The following GALK2 variants were observed in gnomAD, a reference collection of about 807,000 sequenced individuals.
GALK2 encodes the protein galactokinase 2.
A neutral mutation model predicts 52.4 loss-of-function variants in GALK2; 36 were observed. The ratio of observed to expected loss-of-function variants is 0.69; its 90% confidence interval spans 0.53 to 0.91. The LOEUF is 0.91. Ranked by LOEUF, GALK2 falls within the 40% of genes least tolerant of loss-of-function variation. GALK2 has a pLI of 0.00. For missense variants in GALK2, 579 were observed against 559.1 expected (o/e 1.04, Z -0.36); for synonymous variants, 176 against 199.1 (o/e 0.88, Z 0.98).
At chr15:49,220,058 C>CTTTTTTTTTTT (rs34707025) in intron 3 of GALK2, among the ~76,000 whole-genome samples, 11 of 92,734 alleles carry the variant, frequency 1.2e-4, no homozygotes, top group Admixed American at 2.3e-4. Flanking sequence ...AGATACAAGT[C>CTTTTTTTTTTT]TTTTTTTTTT....
Position 49,318,639 on chromosome 15 carries a change from A to T in GALK2, c.968-965A>T, listed in dbSNP as rs147428267. Among the ~76,000 whole-genome samples the T allele has an allele frequency of 1.6e-3, 243 of 152,272 alleles. 4 individuals carry two copies. The East Asian group carries it at 0.026, about 16-fold the overall frequency. ...TGATAAATAATGCTGCAATATATAT[A>T]TATAGGTACATATATAAACATTATA... On this transcript the variant is annotated intron_variant, in intron 8 of 9. Transcript: ENST00000560031.
chr15:49,202,848 TTC>T (rs1211538617), intron 2 of GALK2, among the ~76,000 whole-genome samples: 3 of 152,136 alleles, frequency 2.0e-5, no homozygotes, highest in Non-Finnish European at 2.9e-5. Context: ...TTTCTCTGCA[TTC>T]TCTCTAACAC....
At chr15:49,166,082 C>T (rs1459129332), upstream of GALK2, among the ~76,000 whole-genome samples, 7 of 151,788 alleles carry the variant, frequency 4.6e-5, no homozygotes, top group African/African-American at 9.7e-5. Context: ...AATTACACTG[C>T]GCCCGGCCCA....
At chr15:49,205,547 C>T (rs772678364) in intron 2 of GALK2, among the ~76,000 whole-genome samples, 13 of 152,148 alleles carry the variant, frequency 8.5e-5, no homozygotes, top group South Asian at 4.1e-4. Flanking sequence ...ATTGTCTATT[C>T]GTGTCCTTAG....
exon 1 of GALK2, chr15:49,155,822 C>A (rs1248968189): frequency 1.4e-6 from 1 of 732,722 alleles, no homozygotes; most frequent in Non-Finnish European, 2.3e-6. Flanking sequence ...GGACATCGTC[C>A]GGTGCTGCAG....
At chr15:49,181,551 TG>T (rs1397630501) in intron 1 of GALK2, among the ~76,000 whole-genome samples, 2 of 146,530 alleles carry the variant, frequency 1.4e-5, no homozygotes, top group African/African-American at 5.1e-5. Context: ...TTGCCCAGGC[TG>T]GAGTGCAGTG....
At chr15:49,158,341 A>G (rs1054045082) in intron 1 of GALK2, among the ~76,000 whole-genome samples, 2 of 152,242 alleles carry the variant, frequency 1.3e-5, no homozygotes, top group African/African-American at 4.8e-5. Flanking sequence ...ATTTGTAAGC[A>G]TGTCTTTGAA....
chr15:49,160,646 C>T (rs775477062), intron 1 of GALK2, among the ~76,000 whole-genome samples: 13 of 152,030 alleles, frequency 8.6e-5, no homozygotes, highest in Non-Finnish European at 1.9e-4. Flanking sequence ...GGGTGGATCA[C>T]GAGGTCAAGA....
intron 3 of GALK2, among the ~76,000 whole-genome samples, chr15:49,360,783 T>C (rs2044086633): frequency 6.6e-6 from 1 of 152,208 alleles, no homozygotes; most frequent in African/African-American, 2.4e-5. Flanking sequence ...AATGAATTAG[T>C]GTACATTAAC....
At chr15:49,347,139 T>C (rs1402547166) in intron 3 of GALK2, among the ~76,000 whole-genome samples, 1 of 152,214 alleles carries the variant, frequency 6.6e-6, no homozygotes, top group Non-Finnish European at 1.5e-5. Context: ...TTTTGTAGTA[T>C]ACTCAGGAAA....
Position 49,328,820 on chromosome 15 carries a change from G to A in GALK2, c.*661G>A, listed in dbSNP as rs550061066. On this transcript the variant is annotated 3_prime_UTR_variant, in exon 10 of 10. Transcript: ENST00000560031. ...AAGGAGGATACAGGAAGAAAATTCA[G>A]ACTCATTTGAATATTTGTAAACCAT... 13 of 1,409,830 alleles carry A rather than the reference G, an allele frequency of 9.2e-6. No homozygotes were observed. The East Asian group carries it at 3.0e-4, about 33-fold the overall frequency. The allele number at this position is 1,409,830 out of a possible 1,614,324, so 87.3% of individuals were successfully genotyped here.
chr15:49,244,381 T>A (rs2141531231), intron 5 of GALK2, among the ~76,000 whole-genome samples: 1 of 152,190 alleles, frequency 6.6e-6, no homozygotes, highest in East Asian at 1.9e-4. Flanking sequence ...AACTTGAGTG[T>A]TATAGAAAAG....
intron 5 of GALK2, among the ~76,000 whole-genome samples, chr15:49,268,949 T>C (rs2029911419): frequency 6.6e-6 from 1 of 152,212 alleles, no homozygotes; most frequent in Non-Finnish European, 1.5e-5. Flanking sequence ...TGCAACATCA[T>C]CTGCAATATT....
At chr15:49,360,621 G>T (rs1322513394) in intron 3 of GALK2, among the ~76,000 whole-genome samples, 1 of 152,060 alleles carries the variant, frequency 6.6e-6, no homozygotes, top group African/African-American at 2.4e-5. Flanking sequence ...TTTTATCCAA[G>T]ATTCTGCAGT....
At chr15:49,208,122 T>TTTTG (rs1023375377) in intron 2 of GALK2, among the ~76,000 whole-genome samples, 1 of 152,180 alleles carries the variant, frequency 6.6e-6, no homozygotes, top group South Asian at 2.1e-4. Context: ...ACCTTTTGTA[T>TTTTG]TTTGTTTGTT....
chr15:49,340,815 G>A (rs2151221969), intron 3 of GALK2, among the ~76,000 whole-genome samples: 1 of 152,240 alleles, frequency 6.6e-6, no homozygotes, highest in South Asian at 2.1e-4. Flanking sequence ...TGTTTTTGGG[G>A]ACTTAGTCAC....
At chr15:49,363,358 C>T (rs2044583350) in intron 3 of GALK2, among the ~76,000 whole-genome samples, 2 of 152,022 alleles carry the variant, frequency 1.3e-5, no homozygotes, top group Non-Finnish European at 2.9e-5. Flanking sequence ...TAGCTGTATT[C>T]CTAGGTATTT....
At chr15:49,254,661 G>C (rs1393207379) in intron 5 of GALK2, among the ~76,000 whole-genome samples, 1 of 144,160 alleles carries the variant, frequency 6.9e-6, no homozygotes, top group Non-Finnish European at 1.6e-5. Flanking sequence ...GGTGATAAAG[G>C]AAGAAATTTA....
chr15:49,193,425 T>C (rs2086933438), intron 1 of GALK2, among the ~76,000 whole-genome samples: 2 of 152,064 alleles, frequency 1.3e-5, no homozygotes, highest in African/African-American at 4.8e-5. Flanking sequence ...TTTCTGTGCG[T>C]TGTTTTTTAA....
Sources: gnomAD v4.1 joint callset for allele counts (sites outside exome capture counted in the v4.1 genomes callset) on GRCh38, gnomAD v4.1.1 for gene constraint, MANE v1.5 for transcripts, NCBI Gene and HGNC (gene_info 2026-07-23, HGNC 2026-07-21) for gene names.